The following DLGAP1 variants were observed in gnomAD, a reference collection of about 807,000 sequenced individuals.
The protein encoded by DLGAP1 is disks large-associated protein 1.
Under a neutral mutation model 90.8 loss-of-function variants are expected in DLGAP1, and 11 were observed. That is an observed-to-expected ratio of 0.12 (90% CI 0.08 to 0.20). DLGAP1 has a LOEUF of 0.20. Ranked by LOEUF, DLGAP1 falls within the 10% of genes least tolerant of loss-of-function variation. The pLI is 1.00. For missense variants in DLGAP1, 1,050 were observed against 1,333.8 expected (o/e 0.79, Z 3.31); for synonymous variants, 558 against 540.7 (o/e 1.03, Z -0.44).
At chr18:3,973,702 A>G (rs1050170997) in intron 3 of DLGAP1, among the ~76,000 whole-genome samples, 1 of 152,198 alleles carries the variant, frequency 6.6e-6, no homozygotes, top group Non-Finnish European at 1.5e-5. Flanking sequence ...TTCTTTCTGA[A>G]ACCTGACAAA....
intron 1 of DLGAP1, among the ~76,000 whole-genome samples, chr18:4,284,994 A>C (rs1404031236): frequency 1.3e-5 from 2 of 152,194 alleles, no homozygotes; most frequent in African/African-American, 4.8e-5. Context: ...TTGCACTAGG[A>C]AAGATAAAGG....
intron 1 of DLGAP1, among the ~76,000 whole-genome samples, chr18:4,157,146 G>A (rs886715506): frequency 9.2e-5 from 14 of 151,898 alleles, no homozygotes; most frequent in Non-Finnish European, 7.4e-5. Flanking sequence ...AGGTGGGACC[G>A]GGCCGTCAGC....
intron 1 of DLGAP1, among the ~76,000 whole-genome samples, chr18:4,422,587 G>A (rs1161266229): frequency 1.3e-5 from 2 of 151,776 alleles, no homozygotes; most frequent in African/African-American, 2.4e-5. Flanking sequence ...ACATTTCAAT[G>A]TAATTTAGAT....
At chr18:4,288,066 A>ATTTTT (rs55993727) in intron 1 of DLGAP1, among the ~76,000 whole-genome samples, 3,711 of 151,442 alleles carry the variant, frequency 0.025, 170 homozygotes, top group African/African-American at 0.085. Context: ...AGCTTGACAA[A>ATTTTT]TTTTTTATTA....
intron 1 of DLGAP1, among the ~76,000 whole-genome samples, chr18:4,242,131 T>C (rs2078549327): frequency 6.6e-6 from 1 of 152,120 alleles, no homozygotes; most frequent in South Asian, 2.1e-4. Flanking sequence ...GACCTAGTAA[T>C]GTATGATTCT....
intron 1 of DLGAP1, among the ~76,000 whole-genome samples, chr18:4,392,129 TA>T (rs1243125985): frequency 1.3e-5 from 2 of 152,062 alleles, no homozygotes; most frequent in Admixed American, 6.5e-5. Context: ...TACTAGGTCA[TA>T]AAAAACGGAT....
chr18:3,979,082 C>T (rs2149026472), intron 3 of DLGAP1, among the ~76,000 whole-genome samples: 1 of 152,252 alleles, frequency 6.6e-6, no homozygotes, highest in Non-Finnish European at 1.5e-5. Context: ...GTCATTTGCA[C>T]AACATGGATG....
chr18:4,396,832 C>T (rs1485125687), intron 1 of DLGAP1, among the ~76,000 whole-genome samples: 1 of 152,184 alleles, frequency 6.6e-6, no homozygotes, highest in Non-Finnish European at 1.5e-5. Flanking sequence ...GAGCCCTTGG[C>T]TGGGTTTTGC....
chr18:3,880,137 G>A lies in DLGAP1; in HGVS notation c.-69C>T. ...CAGGCTCCAGACCCGTCTTGGGCAG[G>A]GATCTGGGGGAATGAAGAAAAGGGC... is the stretch of plus-strand genomic sequence containing the variant. On this transcript the variant is annotated 5_prime_UTR_variant, in exon 4 of 13. Coordinates refer to ENST00000315677, the MANE Select transcript of DLGAP1 (RefSeq NM_004746.4). The A allele has an allele frequency of 1.4e-6, 2 of 1,436,900 alleles. No homozygotes were observed. Among genetic ancestry groups the A allele is most frequent in the Non-Finnish European group, 1.9e-6 (2 of 1,041,332 alleles). 89.0% of individuals were successfully genotyped at this position (1,436,900 alleles called of 1,614,324 possible).
chr18:3,868,905 T>C (rs1056186704), intron 4 of DLGAP1, among the ~76,000 whole-genome samples: 2 of 152,168 alleles, frequency 1.3e-5, no homozygotes, highest in African/African-American at 4.8e-5. Context: ...AGAAGAGTGA[T>C]GGCCAAGGAC....
At chr18:3,596,883 A>G (rs1422554389) in intron 7 of DLGAP1, 4 of 519,956 alleles carry the variant, frequency 7.7e-6, no homozygotes, top group Middle Eastern at 3.2e-4. Flanking sequence ...ATGTTGGCCA[A>G]TGCCGCCAGC....
chr18:4,367,624 T>C (rs2081806204), intron 1 of DLGAP1, among the ~76,000 whole-genome samples: 1 of 152,098 alleles, frequency 6.6e-6, no homozygotes, highest in African/African-American at 2.4e-5. Flanking sequence ...CCGAGGCGGT[T>C]GGATCATGAG....
At chr18:4,155,930 C>T (rs762970370) in intron 1 of DLGAP1, among the ~76,000 whole-genome samples, 13 of 152,126 alleles carry the variant, frequency 8.5e-5, no homozygotes, top group South Asian at 2.1e-4. Context: ...TTGTGAACCA[C>T]CTGGAGACAG....
chr18:3,862,013 C>T (rs1312909488), intron 4 of DLGAP1, among the ~76,000 whole-genome samples: 2 of 152,198 alleles, frequency 1.3e-5, no homozygotes, highest in African/African-American at 4.8e-5. Context: ...ACTTGTACAT[C>T]AATCATGTTC....
chr18:4,140,453 T>C (rs1388820082), intron 2 of DLGAP1, among the ~76,000 whole-genome samples: 1 of 151,964 alleles, frequency 6.6e-6, no homozygotes, highest in African/African-American at 2.4e-5. Context: ...TAAATTTTCT[T>C]GTTTCTATTT....
intron 9 of DLGAP1, among the ~76,000 whole-genome samples, chr18:3,543,177 T>G (rs201333807): frequency 0.52 from 76,153 of 146,720 alleles, 23,778 homozygotes; most frequent in Non-Finnish European, 0.67. Context: ...TTTTTTTTTT[T>G]TTTTTTTTTT....
At chr18:3,882,215 C>T (rs2071190496) in intron 3 of DLGAP1, among the ~76,000 whole-genome samples, 1 of 152,092 alleles carries the variant, frequency 6.6e-6, no homozygotes, top group African/African-American at 2.4e-5. Flanking sequence ...TATATCTCTT[C>T]TTCCTAGTTT....
At chr18:3,811,724 A>C (rs2066853698) in intron 5 of DLGAP1, among the ~76,000 whole-genome samples, 2 of 152,216 alleles carry the variant, frequency 1.3e-5, no homozygotes, top group South Asian at 4.1e-4. Context: ...TGGTGGTCAC[A>C]AAAATACGGT....
At chr18:4,231,794 GCTAATGTAT>G (rs1445946522) in intron 1 of DLGAP1, among the ~76,000 whole-genome samples, 1 of 152,052 alleles carries the variant, frequency 6.6e-6, no homozygotes, top group Non-Finnish European at 1.5e-5. Flanking sequence ...TTAAATCAAA[GCTAATGTAT>G]CTAATTGAGA....
Sources: gnomAD v4.1 joint callset for allele counts (sites outside exome capture counted in the v4.1 genomes callset) on GRCh38, gnomAD v4.1.1 for gene constraint, MANE v1.5 for transcripts, NCBI Gene and HGNC (gene_info 2026-07-23, HGNC 2026-07-21) for gene names.